PITPNM3: variants seen among roughly 807,000 people sequenced by gnomAD.
PITPNM3 encodes membrane-associated phosphatidylinositol transfer protein 3.
A neutral mutation model predicts 102.0 loss-of-function variants in PITPNM3; 26 were observed. The ratio of observed to expected loss-of-function variants is 0.25; its 90% confidence interval spans 0.19 to 0.35. The LOEUF (loss-of-function observed/expected upper bound fraction) is 0.35, where lower values mean the gene tolerates loss of function less well. Among genes scored for constraint, PITPNM3 ranks in the 10% least tolerant of loss-of-function variants. The pLI is 1.00. For missense variants in PITPNM3, 1,083 were observed against 1,346.1 expected (o/e 0.80, Z 3.06); for synonymous variants, 578 against 558.6 (o/e 1.03, Z -0.49).
rs987332481 is a variant in PITPNM3, at chr17:6,459,616, C to T, written c.2490+1757G>A. Among the ~76,000 whole-genome samples the T allele has an allele frequency of 1.3e-5, 2 of 152,168 alleles. No homozygotes were observed. Among genetic ancestry groups the T allele is most frequent in the East Asian group, 1.9e-4 (1 of 5,198 alleles). On this transcript the variant is annotated intron_variant, in intron 18 of 19. Coordinates refer to ENST00000262483, the MANE Select transcript of PITPNM3 (RefSeq NM_031220.4). The surrounding 1 kb of genome is among the most constrained non-coding windows in gnomAD (Gnocchi z 5.0). ...CCAGCCTGGTCCTCCTCTCATGTCC[C>T]CTCTCATTCACTCACTCATTCATTT...
intron 9 of PITPNM3, among the ~76,000 whole-genome samples, chr17:6,475,536 A>AG (rs1328649789): frequency 6.6e-6 from 1 of 152,252 alleles, no homozygotes; most frequent in Non-Finnish European, 1.5e-5. Context: ...GAGTCTGCAA[A>AG]GTTGAATCCT....
intron 4 of PITPNM3, among the ~76,000 whole-genome samples, chr17:6,499,712 A>C (rs1353959293): frequency 2.0e-5 from 3 of 150,954 alleles, no homozygotes; most frequent in Non-Finnish European, 3.0e-5. Context: ...TCTTTTATTT[A>C]TTTATTTATT....
At position 6,478,147 on chromosome 17, in the gene PITPNM3, A is replaced by T; in HGVS notation, c.778-50T>A. 3 of 1,608,332 alleles carry T rather than the reference A, an allele frequency of 1.9e-6. No homozygotes were observed. The highest frequency in any genetic ancestry group is 2.5e-6 in the Non-Finnish European group (3 of 1,179,720). ...CAGGCCTGCCCACTGCTGACCCCTC[A>T]CCCCCACACCCGGCCAGAGCAGTGC... On this transcript the variant is annotated intron_variant, in intron 7 of 19. Coordinates refer to ENST00000262483, the MANE Select transcript of PITPNM3 (RefSeq NM_031220.4). This position sits in a 1 kb window ranked among gnomAD's most constrained non-coding sequence, Gnocchi z 4.4.
Position 6,556,512 on chromosome 17 carries a change from C to T in PITPNM3, c.-106G>A. 5 of 771,212 alleles carry T rather than the reference C, an allele frequency of 6.5e-6. No homozygotes were observed. Among genetic ancestry groups the T allele is most frequent in the Non-Finnish European group, 7.9e-6 (5 of 633,524 alleles). The allele number at this position is 771,212 out of a possible 1,614,324, so 47.8% of individuals were successfully genotyped here. A position where few individuals can be genotyped will look rare whatever the true frequency, so the allele number is the denominator to read the frequency against. On this transcript the variant is annotated 5_prime_UTR_variant, in exon 1 of 20. Coordinates refer to ENST00000262483, the MANE Select transcript of PITPNM3 (RefSeq NM_031220.4). This position sits in a 1 kb window ranked among gnomAD's most constrained non-coding sequence, Gnocchi z 5.2. Reference sequence around the variant, plus strand: ...ACGGACTCCGAGCGCCGCGCCCGCGCCCCCGCCCCGCTCGCCTCGGCTGCC... The same window carrying T: ...ACGGACTCCGAGCGCCGCGCCCGCGTCCCCGCCCCGCTCGCCTCGGCTGCC...
chr17:6,502,002 C>T (rs747470887), intron 4 of PITPNM3, among the ~76,000 whole-genome samples: 7 of 152,226 alleles, frequency 4.6e-5, no homozygotes, highest in Non-Finnish European at 1.0e-4. Context: ...TACGAGTGCT[C>T]AGGAAAGAGA....
intron 2 of PITPNM3, among the ~76,000 whole-genome samples, chr17:6,527,381 T>C (rs954498034): frequency 3.3e-5 from 5 of 152,190 alleles, no homozygotes; most frequent in African/African-American, 1.2e-4. Flanking sequence ...TGGATTGTTG[T>C]GAGCATTAAG....
intron 3 of PITPNM3, among the ~76,000 whole-genome samples, chr17:6,509,406 C>T (rs111968806): frequency 4.6e-5 from 7 of 152,298 alleles, no homozygotes; most frequent in Admixed American, 1.3e-4. Context: ...TTCAGACAGA[C>T]GGGGCCTTGG....
intron 3 of PITPNM3, among the ~76,000 whole-genome samples, chr17:6,514,051 G>A (rs770024679): frequency 7.9e-5 from 12 of 152,066 alleles, no homozygotes; most frequent in Non-Finnish European, 1.8e-4. Flanking sequence ...AAATGGTGCC[G>A]GGAAAACTAG....
At chr17:6,540,599 T>G (rs554508403) in intron 1 of PITPNM3, among the ~76,000 whole-genome samples, 1 of 152,244 alleles carries the variant, frequency 6.6e-6, no homozygotes, top group East Asian at 1.9e-4. Context: ...TCTTTTCAAA[T>G]GCATATTTTA....
At chr17:6,532,209 A>C (rs1203765600) in intron 2 of PITPNM3, among the ~76,000 whole-genome samples, 1 of 151,642 alleles carries the variant, frequency 6.6e-6, no homozygotes, top group Non-Finnish European at 1.5e-5. Context: ...CAGGTGGCTC[A>C]TTTCTCATTA....
intron 2 of PITPNM3, among the ~76,000 whole-genome samples, chr17:6,526,045 G>C (rs1217009806): frequency 1.3e-5 from 2 of 152,142 alleles, no homozygotes; most frequent in Admixed American, 1.3e-4. Flanking sequence ...GGAGTAACTG[G>C]AGGAGAAGAA....
Position 6,455,298 on chromosome 17 carries a change from A to G in PITPNM3, c.*40T>C. The G allele has an allele frequency of 1.3e-6, 2 of 1,533,408 alleles. No homozygotes were observed. Among genetic ancestry groups the G allele is most frequent in the South Asian group, 1.3e-5 (1 of 78,984 alleles). The allele number at this position is 1,533,408 out of a possible 1,614,324, so 95.0% of individuals were successfully genotyped here. ...CCCTCCCGTCCCCGCAGGCAGCCTG[A>G]TTGGGCCCCCCGCTCCCTGCTCTGA... On this transcript the variant is annotated 3_prime_UTR_variant, in exon 20 of 20. Coordinates refer to ENST00000262483, the MANE Select transcript of PITPNM3 (RefSeq NM_031220.4).
At chr17:6,462,488 C>CATCTCCTGAT (rs768585254) in intron 17 of PITPNM3, among the ~76,000 whole-genome samples, 3 of 152,188 alleles carry the variant, frequency 2.0e-5, no homozygotes, top group Admixed American at 6.5e-5. Flanking sequence ...CCTACGGCAC[C>CATCTCCTGAT]ATCTCCTGAT....
At chr17:6,503,174 CCT>C (rs1907286130) in intron 4 of PITPNM3, among the ~76,000 whole-genome samples, 1 of 152,200 alleles carries the variant, frequency 6.6e-6, no homozygotes, top group Non-Finnish European at 1.5e-5. Flanking sequence ...TCCCCGTCCT[CCT>C]CTCTCTGTCC....
chr17:6,532,533 G>T (rs1474847682), intron 2 of PITPNM3, among the ~76,000 whole-genome samples: 1 of 151,880 alleles, frequency 6.6e-6, no homozygotes, highest in Non-Finnish European at 1.5e-5. Context: ...ATCTGCTCCT[G>T]GCACCACAGA....
intron 1 of PITPNM3, among the ~76,000 whole-genome samples, chr17:6,546,276 C>CT (rs1393931606): frequency 2.6e-5 from 4 of 152,216 alleles, no homozygotes; most frequent in African/African-American, 9.6e-5. Flanking sequence ...GCCAGGAGCC[C>CT]TGGAAGGGCC....
rs1357125682 is a variant in PITPNM3 at position 6,461,492 on chromosome 17, G to C, written c.2371C>G (p.Arg791Gly). The change falls in exon 18 of 20, where the codon CGG becomes GGG. Residue 791 changes from arginine (R) to glycine (G), a missense_variant. This residue lies in a region of PITPNM3 where 410 missense variants were observed against 638.4 expected (regional missense o/e 0.64). Coordinates refer to ENST00000262483, the MANE Select transcript of PITPNM3 (RefSeq NM_031220.4). ...TGCTGGGACAGCCACGACACCACCCGCTGCTTCTGCATGTCCGGCCGTCCC... is the reference window on the plus strand; with the variant it reads ...TGCTGGGACAGCCACGACACCACCCCCTGCTTCTGCATGTCCGGCCGTCCC... The part of the protein sequence containing the change: ...ITGRPDMQKQ[R>G]VVSWLSQHNF... 1 of 1,614,212 alleles carries C rather than the reference G, an allele frequency of 6.2e-7. No individual in the cohort carries two copies. Among genetic ancestry groups the C allele is most frequent in the Non-Finnish European group, 8.5e-7 (1 of 1,180,030 alleles).
chr17:6,512,344 A>C (rs933982482), intron 3 of PITPNM3, among the ~76,000 whole-genome samples: 2 of 152,212 alleles, frequency 1.3e-5, no homozygotes, highest in African/African-American at 4.8e-5. Flanking sequence ...TGGCATGTGC[A>C]CAAATATTAG....
At chr17:6,464,967 T>C (rs562944960) in intron 14 of PITPNM3, among the ~76,000 whole-genome samples, 196 bp from the exon 15 acceptor site, 1 of 152,352 alleles carries the variant, frequency 6.6e-6, no homozygotes, top group Non-Finnish European at 1.5e-5. Context: ...CCCCAAACGC[T>C]GTCTTCAAGG....
Sources: gnomAD v4.1 joint callset for allele counts (sites outside exome capture counted in the v4.1 genomes callset) on GRCh38, gnomAD v4.1.1 for gene constraint, gnomAD v4.1.1 regional missense constraint, Gnocchi (gnomAD v3.1) non-coding constraint, MANE v1.5 for transcripts, NCBI Gene and HGNC (gene_info 2026-07-23, HGNC 2026-07-21) for gene names.